WDHD1: variants seen among roughly 807,000 people sequenced by gnomAD.
WDHD1 encodes WD repeat and HMG-box DNA-binding protein 1.
In WDHD1, 111 loss-of-function variants were observed where a neutral mutation model predicts 135.4. That is an observed-to-expected ratio of 0.82 (90% CI 0.70 to 0.96). The LOEUF is 0.96. Ranked by LOEUF, WDHD1 falls within the 40% of genes least tolerant of loss-of-function variation. The pLI is 0.00. For synonymous variants in WDHD1, 434 were observed against 439.0 expected (o/e 0.99, Z 0.14); for missense variants, 1,351 against 1,336.3 (o/e 1.01, Z -0.17).
At chr14:54,989,290 T>C in intron 12 of WDHD1, 78 bp from the exon 13 acceptor site, 1 of 989,920 alleles carries the variant, frequency 1.0e-6, no homozygotes, top group Admixed American at 3.0e-5. Flanking sequence ...TAGTACAAAT[T>C]AACAAATATT....
intron 16 of WDHD1, among the ~76,000 whole-genome samples, chr14:54,968,593 A>G (rs1436005151): frequency 1.3e-5 from 2 of 152,290 alleles, no homozygotes; most frequent in Non-Finnish European, 2.9e-5. Flanking sequence ...TTGAAAGGAT[A>G]AACAAGATCG....
chr14:54,989,171 C>G lies in WDHD1; in HGVS notation c.1383G>C (p.Glu461Asp), dbSNP rs113467865. 1.6e-3 allele frequency: 2,579 copies of G among 1,613,512 alleles called. 29 individuals are homozygous for G. The African/African-American group carries it at 0.03, about 19-fold the overall frequency. Residue 461 changes from glutamate to aspartate, a missense_variant, in exon 13 of 26, where the codon GAG becomes GAC. Physicochemically the swap from Glu to Asp is conservative, Grantham distance 45. Around this residue, in one of 2 missense-constraint regions of WDHD1, gnomAD observed 1,330 missense variants for 1,296.1 expected, o/e 1.03. Transcript: ENST00000360586. ...ACTCCACATCTATGGCATTGTCTTG[C>G]TCATCATTATAGCAGCGAATAATTC... ...SIGIIRCYND[E>D]QDNAIDVEFH...
chr14:55,025,565 C>A lies in WDHD1; in HGVS notation c.77+1146G>T, dbSNP rs115832415. Among the ~76,000 whole-genome samples, 1,455 of 152,340 alleles carry A rather than the reference C, an allele frequency of 9.6e-3. 22 individuals are homozygous for A. The highest frequency in any genetic ancestry group is 0.034 in the African/African-American group (1,402 of 41,568). The stretch of plus-strand genomic sequence containing the variant: ...ATCCATGAGTGCTCCTTTTCCAATT[C>A]ATCCTCCATGCATTTTCTCAAAAAC... On this transcript the variant is annotated intron_variant, in intron 2 of 25. Transcript: ENST00000360586.
rs770608091 is a variant in WDHD1, at chr14:54,967,292, T to C, written c.2166A>G (p.Lys722=). Residue 722 remains lysine (K), a synonymous_variant, in exon 17 of 26, where the codon AAA becomes AAG. Coordinates refer to ENST00000360586, the MANE Select transcript of WDHD1 (RefSeq NM_007086.4). ...KLPYCQIATE[K]GQMEEQFWRS... ...GACTTCCACATACCTCCATTTGTCC[T>C]TTCTCTGTTGCAATCTGACAGTAAG... The C allele has an allele frequency of 2.5e-6, 4 of 1,610,948 alleles. No individual in the cohort carries two copies. In the Admixed American group the frequency reaches 5.0e-5, roughly 20 times the overall value.
intron 16 of WDHD1, among the ~76,000 whole-genome samples, chr14:54,974,178 T>TA (rs529685873): frequency 1.8e-4 from 27 of 151,094 alleles, no homozygotes; most frequent in Non-Finnish European, 3.4e-4. Context: ...TCCCAGTACA[T>TA]AAGGAGGCTG....
intron 13 of WDHD1, 43 bp from the exon 14 acceptor site, chr14:54,987,430 A>T: frequency 6.7e-7 from 1 of 1,496,268 alleles, no homozygotes; most frequent in South Asian, 1.2e-5. Flanking sequence ...CTTTCATATG[A>T]TATTTACATA....
At chr14:54,961,985 T>A (rs1001139412) in intron 21 of WDHD1, among the ~76,000 whole-genome samples, 2 of 152,012 alleles carry the variant, frequency 1.3e-5, no homozygotes, top group African/African-American at 4.8e-5. Context: ...TACAGGCACA[T>A]ACCACCACCC....
chr14:55,005,002 G>T (rs930247028), intron 7 of WDHD1: 3 of 544,036 alleles, frequency 5.5e-6, no homozygotes, highest in Non-Finnish European at 1.1e-5. Context: ...TCAGGAGCTG[G>T]AGTAGTCCAT....
In WDHD1 at chr14:54,941,427, C is replaced by G. The variant is rs979292457; in HGVS notation, c.*63G>C. On this transcript the variant is annotated 3_prime_UTR_variant, in exon 26 of 26. Coordinates refer to ENST00000360586, the MANE Select transcript of WDHD1 (RefSeq NM_007086.4). ...ATATATAATGAGTTTCCCAAAGACT[C>G]GAGTCTATATTCAAAGATGAGTAAA... The G allele has an allele frequency of 1.0e-5, 14 of 1,378,038 alleles. No individual in the cohort carries two copies. The highest frequency in any genetic ancestry group is 2.6e-4 in the Middle Eastern group (1 of 3,838). The allele number at this position is 1,378,038 out of a possible 1,614,324, so 85.4% of individuals were successfully genotyped here.
chr14:54,999,147 G>A (rs1277124908), intron 10 of WDHD1, among the ~76,000 whole-genome samples: 3 of 152,160 alleles, frequency 2.0e-5, no homozygotes, highest in Admixed American at 6.5e-5. Flanking sequence ...GGCTGACAAT[G>A]TTCTGGGAAC....
At chr14:54,959,890 T>C in intron 21 of WDHD1, among the ~76,000 whole-genome samples, 1 of 152,206 alleles carries the variant, frequency 6.6e-6, no homozygotes, top group Non-Finnish European at 1.5e-5. Flanking sequence ...AAGTTTCCCC[T>C]TTTGTCTCTC....
At chr14:54,989,432 T>A (rs952366567) in intron 12 of WDHD1, among the ~76,000 whole-genome samples, 3 of 152,154 alleles carry the variant, frequency 2.0e-5, no homozygotes, top group Non-Finnish European at 2.9e-5. Flanking sequence ...ATAAGATACA[T>A]ATATACTTAT....
intron 10 of WDHD1, among the ~76,000 whole-genome samples, chr14:54,999,500 T>G (rs994704345): frequency 6.6e-6 from 1 of 152,240 alleles, no homozygotes; most frequent in Non-Finnish European, 1.5e-5. Context: ...TGAGGCAAAC[T>G]GAGTAGCACC....
rs1461477395 is a variant in WDHD1 at position 54,962,833 on chromosome 14, T to G, written c.2552A>C (p.Glu851Ala). 1 of 1,612,672 alleles carries G rather than the reference T, an allele frequency of 6.2e-7. No homozygotes were observed. The highest frequency in any genetic ancestry group is 8.5e-7 in the Non-Finnish European group (1 of 1,180,014). ...ATTTCTGAACCTTGGTTGGCTCCAC[T>G]CTGTAGCAGTATTGCTGTAACTAAG... ...LNAGYSNTAT[E>A]WSQPRFRNQV... Residue 851 changes from glutamate to alanine, a missense_variant, in exon 20 of 26, where the codon GAG (glutamate) becomes GCG (alanine). This residue lies in a region of WDHD1 where 1,330 missense variants were observed against 1,296.1 expected (regional missense o/e 1.03). Coordinates refer to ENST00000360586, the MANE Select transcript of WDHD1 (RefSeq NM_007086.4).
chr14:55,016,031 C>A lies in WDHD1; in HGVS notation c.78-2435G>T, dbSNP rs2042257264. ...GCTTCTTGGTGTATCAGCAGATGCA[C>A]TGGAGGAGACGTACAAAGTTACAGG... is the stretch of plus-strand genomic sequence containing the variant. On this transcript the variant is annotated intron_variant, in intron 2 of 25. Coordinates refer to ENST00000360586, the MANE Select transcript of WDHD1 (RefSeq NM_007086.4). 2.0e-5 allele frequency among the ~76,000 whole-genome samples: 3 copies of A among 152,306 alleles called. No homozygotes were observed. The South Asian group carries it at 6.2e-4, about 32-fold the overall frequency.
intron 10 of WDHD1, among the ~76,000 whole-genome samples, chr14:54,996,927 G>A (rs1176715358): frequency 5.3e-5 from 8 of 151,710 alleles, no homozygotes; most frequent in Admixed American, 5.3e-4. Context: ...AAGTAGCTGG[G>A]ACTACAGGCG....
chr14:55,001,006 C>A lies in WDHD1; in HGVS notation c.694-14G>T. ...TATATTGAGGGTCTGTAAAGAAAAA[C>A]AGTTAATAAATAATGATTTTGTAAA... On this transcript the variant is annotated splice_polypyrimidine_tract_variant and intron_variant, in intron 8 of 25. Coordinates refer to ENST00000360586, the MANE Select transcript of WDHD1 (RefSeq NM_007086.4). 6.9e-7 allele frequency: 1 copy of A among 1,444,488 alleles called. No homozygotes were observed. The allele number at this position is 1,444,488 out of a possible 1,614,324, so 89.5% of individuals were successfully genotyped here. A position where few individuals can be genotyped will look rare whatever the true frequency, so the allele number is the denominator to read the frequency against.
At chr14:55,002,233 ATTTG>A in intron 7 of WDHD1, 48 bp from the exon 8 acceptor site, 1 of 1,351,328 alleles carries the variant, frequency 7.4e-7, no homozygotes, top group Non-Finnish European at 1.0e-6. Flanking sequence ...ATTAAATTGA[ATTTG>A]AAGAAGGAAA....
chr14:54,955,915 T>TTTAC (rs2041151080), intron 23 of WDHD1, among the ~76,000 whole-genome samples: 1 of 145,148 alleles, frequency 6.9e-6, no homozygotes, highest in Non-Finnish European at 1.5e-5. Flanking sequence ...TTTTTTTTTT[T>TTTAC]GAGACGGAGT....
Sources: gnomAD v4.1 joint callset for allele counts (sites outside exome capture counted in the v4.1 genomes callset) on GRCh38, gnomAD v4.1.1 for gene constraint, gnomAD v4.1.1 regional missense constraint, MANE v1.5 for transcripts, NCBI Gene and HGNC (gene_info 2026-07-23, HGNC 2026-07-21) for gene names.